The following TMEM61 variants were observed in gnomAD, a reference collection of about 807,000 sequenced individuals.
The protein encoded by TMEM61 is transmembrane protein 61.
A neutral mutation model predicts 12.0 loss-of-function variants in TMEM61; 13 were observed. That is an observed-to-expected ratio of 1.08 (90% CI 0.70 to 1.72). The LOEUF (loss-of-function observed/expected upper bound fraction) is 1.72. Among genes scored for constraint, TMEM61 ranks in the 40% most tolerant of loss-of-function variants. TMEM61 has a pLI of 0.00. For missense variants in TMEM61, 249 were observed against 276.9 expected (o/e 0.90, Z 0.71); for synonymous variants, 109 against 121.4 (o/e 0.90, Z 0.67).
chr1:54,987,654 C>T (rs1393632046), intron 2 of TMEM61, among the ~76,000 whole-genome samples: 1 of 152,184 alleles, frequency 6.6e-6, no homozygotes, highest in Non-Finnish European at 1.5e-5. Context: ...CTGTGTACAT[C>T]ACCTCCTGTC....
intron 1 of TMEM61, among the ~76,000 whole-genome samples, chr1:54,983,606 G>C (rs949751658): frequency 2.0e-5 from 3 of 152,040 alleles, no homozygotes; most frequent in African/African-American, 7.2e-5. Context: ...TCACCTTTTT[G>C]GGCTCACTCT....
At chr1:54,986,009 C>A in intron 1 of TMEM61, 88 bp from the exon 2 acceptor site, 1 of 1,202,246 alleles carries the variant, frequency 8.3e-7, no homozygotes, top group Non-Finnish European at 1.2e-6. Context: ...CAAGGTTGTA[C>A]AGTGACCTCA....
intron 1 of TMEM61, 32 bp downstream of exon 1, chr1:54,981,112 G>C (rs186983042): frequency 6.3e-7 from 1 of 1,577,528 alleles, no homozygotes; most frequent in South Asian, 1.2e-5. Flanking sequence ...CCTCCTTTAC[G>C]GGCACTCAGC....
intron 1 of TMEM61, among the ~76,000 whole-genome samples, chr1:54,982,047 G>A (rs1314109084): frequency 6.6e-6 from 1 of 152,210 alleles, no homozygotes; most frequent in African/African-American, 2.4e-5. Flanking sequence ...CCTCGGTCCA[G>A]CCTTGTGTCC....
chr1:54,987,971 C>T (rs574855883), intron 2 of TMEM61, among the ~76,000 whole-genome samples: 4 of 152,252 alleles, frequency 2.6e-5, no homozygotes, highest in Non-Finnish European at 4.4e-5. Flanking sequence ...GTACAGTCAG[C>T]CCTTTCTGTC....
At position 54,992,117 on chromosome 1, in the gene TMEM61, G is replaced by A. The variant is rs767764078; in HGVS notation, c.*14G>A. 1 of 1,605,528 alleles carries A rather than the reference G, an allele frequency of 6.2e-7. No homozygotes were observed. The highest frequency in any genetic ancestry group is 1.1e-5 in the South Asian group (1 of 90,886). Reference sequence around the variant, plus strand: ...GGAGGAAGTTAAAGGCTCCTAGCAGGTCCTGAATCCAGAGACAAAAATGCC... The same window carrying A: ...GGAGGAAGTTAAAGGCTCCTAGCAGATCCTGAATCCAGAGACAAAAATGCC... On this transcript the variant is annotated 3_prime_UTR_variant, in exon 3 of 3. Coordinates refer to ENST00000371268, the MANE Select transcript of TMEM61 (RefSeq NM_182532.3).
intron 1 of TMEM61, among the ~76,000 whole-genome samples, chr1:54,982,252 G>A (rs1480451104): frequency 6.6e-6 from 1 of 152,168 alleles, no homozygotes; most frequent in Non-Finnish European, 1.5e-5. Context: ...GGAGGTGGGG[G>A]CAGCTTCTGT....
chr1:54,991,020 C>T (rs1467843563), intron 2 of TMEM61, among the ~76,000 whole-genome samples: 1 of 152,240 alleles, frequency 6.6e-6, no homozygotes, highest in African/African-American at 2.4e-5. Flanking sequence ...GGATCAGCGA[C>T]ATTCCCACCC....
chr1:54,990,630 C>T (rs1010710195), intron 2 of TMEM61, among the ~76,000 whole-genome samples: 2 of 152,172 alleles, frequency 1.3e-5, no homozygotes, highest in Non-Finnish European at 2.9e-5. Context: ...AACTGAGGAG[C>T]CTGGCAAGTG....
At position 54,986,789 on chromosome 1, in the gene TMEM61, C is replaced by T. The variant is rs561282110; in HGVS notation, c.365+343C>T. ...AATAGCAGAGGGTTAAAAGCCTAGG[C>T]GCAAGAGTCAGACCCACTGGGACCC... On this transcript the variant is annotated intron_variant, in intron 2 of 2. Coordinates refer to ENST00000371268, the MANE Select transcript of TMEM61 (RefSeq NM_182532.3). 7.9e-5 allele frequency among the ~76,000 whole-genome samples: 12 copies of T among 152,220 alleles called. 1 individual carries two copies. The highest frequency in any genetic ancestry group is 5.8e-4 in the East Asian group (3 of 5,188).
chr1:54,992,092 G>A lies in TMEM61; in HGVS notation c.622G>A (p.Gly208Arg). 6.2e-7 allele frequency: 1 copy of A among 1,612,032 alleles called. No individual in the cohort carries two copies. The highest frequency in any genetic ancestry group is 8.5e-7 in the Non-Finnish European group (1 of 1,179,764). Residue 208 changes from glycine (G) to arginine (R), a missense_variant, in exon 3 of 3, where the codon GGA becomes AGA. Physicochemically the swap from Gly to Arg is moderately radical, Grantham distance 125. Coordinates refer to ENST00000371268, the MANE Select transcript of TMEM61 (RefSeq NM_182532.3). ...CTCAGGCCTGGTTCAGACTGCACGG[G>A]GAGGAAGTTAAAGGCTCCTAGCAGG... ...SCSGLVQTAR[G>R]GS
At chr1:54,981,683 C>T (rs771558253) in intron 1 of TMEM61, among the ~76,000 whole-genome samples, 37 of 152,178 alleles carry the variant, frequency 2.4e-4, no homozygotes, top group Non-Finnish European at 4.9e-4. Context: ...AATGGCATGG[C>T]GTTCCATCCT....
Position 54,980,715 on chromosome 1 carries a change from G to A in TMEM61, c.-351G>A. 2 of 245,644 alleles carry A rather than the reference G, an allele frequency of 8.1e-6. No individual in the cohort carries two copies. The highest frequency in any genetic ancestry group is 1.6e-5 in the Non-Finnish European group (2 of 128,734). The allele number at this position is 245,644 out of a possible 1,614,324, so 15.2% of individuals were successfully genotyped here. On this transcript the variant is annotated 5_prime_UTR_variant, in exon 1 of 3. Coordinates refer to ENST00000371268, the MANE Select transcript of TMEM61 (RefSeq NM_182532.3). ...GAGTGGAGGGCGAGGCCCGGGTCCC[G>A]CGCTCCCCTGGGCGCCCCACGGCAG...
rs1479284893 is a variant in TMEM61 at position 54,986,145 on chromosome 1, G to A, written c.64G>A (p.Val22Ile). 6.2e-7 allele frequency: 1 copy of A among 1,609,572 alleles called. No individual in the cohort carries two copies. Among genetic ancestry groups the A allele is most frequent in the South Asian group, 1.1e-5 (1 of 90,714 alleles). ...LASTLRYCMT[V>I]SGTVVLVAGT... ...CTCCACCCTCCGCTATTGCATGACA[G>A]TCAGCGGCACAGTGGTTCTGGTGGC... The change falls in exon 2 of 3, where the codon GTC (valine) becomes ATC (isoleucine). Residue 22 changes from valine to isoleucine, a missense_variant. By Grantham distance (29) the Val-to-Ile change is conservative. Transcript: ENST00000371268.
intron 1 of TMEM61, among the ~76,000 whole-genome samples, chr1:54,984,933 G>C (rs561640818): frequency 6.6e-6 from 1 of 152,094 alleles, no homozygotes; most frequent in African/African-American, 2.4e-5. Flanking sequence ...TGTGTGATCC[G>C]GGGCCAGGAC....
intron 2 of TMEM61, among the ~76,000 whole-genome samples, chr1:54,991,552 G>T (rs1322343493): frequency 1.3e-5 from 2 of 152,196 alleles, no homozygotes; most frequent in African/African-American, 4.8e-5. Context: ...CACTGCCCTA[G>T]GGTAGGACTT....
intron 2 of TMEM61, among the ~76,000 whole-genome samples, chr1:54,989,766 C>A (rs963146194): frequency 9.9e-5 from 15 of 152,230 alleles, no homozygotes; most frequent in Admixed American, 9.8e-4. Context: ...CTCACCGGCA[C>A]CTGTGCCCTG....
In TMEM61 at chr1:54,986,176, C is replaced by G; in HGVS notation, c.95C>G (p.Thr32Arg). The G allele has an allele frequency of 2.5e-6, 4 of 1,613,418 alleles. 1 individual carries two copies. The highest frequency in any genetic ancestry group is 1.1e-5 in the South Asian group (1 of 90,988). ...VSGTVVLVAG[T>R]LCFAWWSEGD... The stretch of plus-strand genomic sequence containing the variant: ...GGCACAGTGGTTCTGGTGGCCGGGA[C>G]GCTCTGCTTCGCTTGGTGGAGCGAA... Residue 32 changes from threonine (T) to arginine (R), a missense_variant, in exon 2 of 3, where the codon ACG (threonine) becomes AGG (arginine). Physicochemically the swap from Thr to Arg is moderately conservative, Grantham distance 71 (BLOSUM62 -1). Transcript: ENST00000371268.
At chr1:54,987,497 A>G (rs1644268637) in intron 2 of TMEM61, among the ~76,000 whole-genome samples, 1 of 152,176 alleles carries the variant, frequency 6.6e-6, no homozygotes, top group African/African-American at 2.4e-5. Context: ...TTTATGTTCT[A>G]TATGTATATC....
Sources: gnomAD v4.1 joint callset for allele counts (sites outside exome capture counted in the v4.1 genomes callset) on GRCh38, gnomAD v4.1.1 for gene constraint, MANE v1.5 for transcripts, NCBI Gene and HGNC (gene_info 2026-07-23, HGNC 2026-07-21) for gene names.